The following GPHN variants were observed in gnomAD, a reference collection of about 807,000 sequenced individuals.
GPHN encodes the protein gephyrin.
Under a neutral mutation model 95.5 loss-of-function variants are expected in GPHN, and 17 were observed. That is an observed-to-expected ratio of 0.18 (90% CI 0.12 to 0.27). The LOEUF is 0.27. Ranked by LOEUF, GPHN falls within the 10% of genes least tolerant of loss-of-function variation. The probability of loss-of-function intolerance (pLI) is 1.00; values close to 1 mark genes in which losing one functional copy is unlikely to be tolerated. For missense variants in GPHN, 660 were observed against 978.1 expected, an observed-to-expected ratio of 0.67 and a Z score of 4.34; for synonymous variants, 320 against 322.5, an observed-to-expected ratio of 0.99 and a Z score of 0.08.
chr14:67,554,593 C>G, the GPHN span, among the ~76,000 whole-genome samples: 1 of 152,206 alleles, frequency 6.6e-6, no homozygotes, highest in African/African-American at 2.4e-5. Context: ...TGAATTTGCT[C>G]TGCTTCTGCG....
intron 2 of GPHN, among the ~76,000 whole-genome samples, chr14:66,767,406 T>C (rs887405701): frequency 1.3e-5 from 2 of 149,658 alleles, no homozygotes; most frequent in African/African-American, 4.9e-5. Context: ...TATCATCCTT[T>C]CTATTTGTTC....
intron 9 of GPHN, among the ~76,000 whole-genome samples, chr14:66,986,795 A>C (rs2071054482): frequency 6.6e-6 from 1 of 152,174 alleles, no homozygotes; most frequent in South Asian, 2.1e-4. Context: ...AAAATTTTGC[A>C]CACCTCCAAT....
chr14:66,619,095 T>G (rs148530167), intron 1 of GPHN, among the ~76,000 whole-genome samples: 1 of 152,228 alleles, frequency 6.6e-6, no homozygotes, highest in Non-Finnish European at 1.5e-5. Flanking sequence ...TTTATTCTTT[T>G]TTGTTGTTCA....
At chr14:66,931,306 A>C (rs1346958332) in intron 8 of GPHN, among the ~76,000 whole-genome samples, 1 of 151,914 alleles carries the variant, frequency 6.6e-6, no homozygotes, top group Non-Finnish European at 1.5e-5. Context: ...TGGGAGCTTG[A>C]TTATTAAGTG....
chr14:66,587,232 A>G (rs1188176761), intron 1 of GPHN, among the ~76,000 whole-genome samples: 4 of 152,202 alleles, frequency 2.6e-5, no homozygotes, highest in Admixed American at 2.6e-4. Flanking sequence ...GATTAAGTCA[A>G]TAATAAAAAA....
At chr14:67,091,181 T>G (rs776913289) in intron 12 of GPHN, among the ~76,000 whole-genome samples, 49 of 152,012 alleles carry the variant, frequency 3.2e-4, no homozygotes, top group Non-Finnish European at 5.9e-4. Flanking sequence ...GAAGATTATC[T>G]TGGATTCACT....
chr14:67,623,533 CCTTTTTTT>C, the GPHN span, among the ~76,000 whole-genome samples: 1 of 120,082 alleles, frequency 8.3e-6, no homozygotes, highest in East Asian at 2.4e-4. Context: ...TCTCAGGTAA[CCTTTTTTT>C]TTTTTTTTTT....
chr14:66,766,597 A>G (rs1279467160), intron 2 of GPHN, among the ~76,000 whole-genome samples: 5 of 152,136 alleles, frequency 3.3e-5, no homozygotes, highest in Admixed American at 3.3e-4. Flanking sequence ...GCACATGGTA[A>G]AAATAACTGA....
chr14:66,817,517 A>G (rs1044845552), intron 3 of GPHN, among the ~76,000 whole-genome samples: 1 of 152,058 alleles, frequency 6.6e-6, no homozygotes, highest in Non-Finnish European at 1.5e-5. Flanking sequence ...TACATTAAAA[A>G]CCACCACAAA....
intron 1 of GPHN, among the ~76,000 whole-genome samples, chr14:66,651,906 G>T (rs1314116730): frequency 6.6e-6 from 1 of 151,796 alleles, no homozygotes; most frequent in East Asian, 1.9e-4. Context: ...ATGGTGAGTT[G>T]TATAATTATT....
intron 1 of GPHN, among the ~76,000 whole-genome samples, chr14:66,581,757 G>T (rs1312836912): frequency 4.0e-5 from 6 of 151,898 alleles, no homozygotes; most frequent in Non-Finnish European, 8.8e-5. Flanking sequence ...ACTTATATCA[G>T]ATGAAATAGA....
At chr14:67,164,429 A>G (rs934422126) in intron 19 of GPHN, among the ~76,000 whole-genome samples, 3 of 152,152 alleles carry the variant, frequency 2.0e-5, no homozygotes, top group Non-Finnish European at 2.9e-5. Flanking sequence ...GGATTGAAAG[A>G]AAAAGGTTAA....
rs531011870 is a variant in GPHN, at chr14:67,084,892, A to T, written c.1145-4091A>T. 3.3e-5 allele frequency among the ~76,000 whole-genome samples: 5 copies of T among 152,380 alleles called. No individual in the cohort carries two copies. In the East Asian group the frequency reaches 9.6e-4, roughly 29 times the overall value. ...AGCCCAGAATGTTTAAGATGTGACA[A>T]ATCATACTTTGTATCAGAAACTGGA... On this transcript the variant is annotated intron_variant, in intron 11 of 22. Transcript: ENST00000478722.
intron 3 of GPHN, among the ~76,000 whole-genome samples, chr14:66,788,957 A>G (rs539345328): frequency 6.6e-6 from 1 of 152,334 alleles, no homozygotes; most frequent in Admixed American, 6.5e-5. Context: ...CCACTTCTTA[A>G]TAAAACCTAT....
chr14:67,461,803 A>G, the GPHN span, among the ~76,000 whole-genome samples: 4 of 152,264 alleles, frequency 2.6e-5, no homozygotes, highest in Admixed American at 1.3e-4. Context: ...CTGGGAGAAC[A>G]GATTGAGTGA....
the GPHN span, among the ~76,000 whole-genome samples, chr14:67,214,430 C>T: frequency 6.6e-6 from 1 of 152,314 alleles, no homozygotes; most frequent in Non-Finnish European, 1.5e-5. Context: ...GGAATCCTTT[C>T]CCCATTGCTT....
the GPHN span, among the ~76,000 whole-genome samples, chr14:67,424,520 G>A: frequency 2.0e-5 from 3 of 150,430 alleles, no homozygotes; most frequent in Non-Finnish European, 4.4e-5. Context: ...GAGTGCTTGA[G>A]CCTGGAAAGT....
chr14:66,957,949 G>T (rs1461218313), intron 8 of GPHN, among the ~76,000 whole-genome samples: 1 of 152,174 alleles, frequency 6.6e-6, no homozygotes, highest in Non-Finnish European at 1.5e-5. Context: ...GATGATCTGA[G>T]GTGGAACAGT....
At chr14:67,093,071 T>G (rs988219671) in intron 12 of GPHN, among the ~76,000 whole-genome samples, 1 of 152,046 alleles carries the variant, frequency 6.6e-6, no homozygotes, top group Non-Finnish European at 1.5e-5. Context: ...TTGGGATCAT[T>G]TGGAAAAAAG....
Sources: allele counts gnomAD v4.1 joint callset (sites outside exome capture counted in the v4.1 genomes callset), GRCh38; gene constraint gnomAD v4.1.1; transcripts MANE v1.5; gene names NCBI Gene and HGNC (gene_info 2026-07-23, HGNC 2026-07-21).